SLC24A2: variants seen among roughly 807,000 people sequenced by gnomAD.
SLC24A2 encodes the protein solute carrier family 24 member 2, also known as sodium/potassium/calcium exchanger 2.
Under a neutral mutation model 62.0 loss-of-function variants are expected in SLC24A2, and 36 were observed. The observed-to-expected ratio is 0.58, with a 90% confidence interval of 0.44 to 0.77. SLC24A2 has a LOEUF of 0.77. Among genes scored for constraint, SLC24A2 ranks in the 30% least tolerant of loss-of-function variants. SLC24A2 has a pLI of 0.00. For synonymous variants in SLC24A2, 358 were observed against 294.0 expected, an observed-to-expected ratio of 1.22 and a Z score of -2.23; for missense variants, 846 against 817.9, an observed-to-expected ratio of 1.03 and a Z score of -0.42.
At chr9:20,060,693 T>G in the SLC24A2 span, among the ~76,000 whole-genome samples, 2 of 152,086 alleles carry the variant, frequency 1.3e-5, no homozygotes, top group Non-Finnish European at 1.5e-5. Flanking sequence ...CTAACATACT[T>G]AATTGTGAAA....
the SLC24A2 span, among the ~76,000 whole-genome samples, chr9:20,015,864 G>C: frequency 6.6e-6 from 1 of 152,116 alleles, no homozygotes; most frequent in Non-Finnish European, 1.5e-5. Context: ...CAATTCCAAG[G>C]CAACAGGAAA....
the SLC24A2 span, among the ~76,000 whole-genome samples, chr9:19,977,925 GTATCTTAAAGAT>G: frequency 3.9e-5 from 6 of 152,244 alleles, no homozygotes; most frequent in East Asian, 1.2e-3. Context: ...GGGATAATGG[GTATCTTAAAGAT>G]AGTCAGGGTG....
At chr9:19,974,248 A>G in the SLC24A2 span, among the ~76,000 whole-genome samples, 1 of 152,204 alleles carries the variant, frequency 6.6e-6, no homozygotes, top group Non-Finnish European at 1.5e-5. Flanking sequence ...GAATGAAATA[A>G]TTTCTACTTG....
intron 8 of SLC24A2, among the ~76,000 whole-genome samples, chr9:19,544,101 A>G (rs912488932): frequency 6.6e-6 from 1 of 152,016 alleles, no homozygotes; most frequent in African/African-American, 2.4e-5. Flanking sequence ...TGCCTTATGA[A>G]CTTGGATGCT....
chr9:20,192,468 G>T, the SLC24A2 span, among the ~76,000 whole-genome samples: 1 of 152,136 alleles, frequency 6.6e-6, no homozygotes, highest in Non-Finnish European at 1.5e-5. Context: ...TCTTGTAGAG[G>T]AGGAATCATT....
chr9:19,848,452 G>A, the SLC24A2 span, among the ~76,000 whole-genome samples: 12 of 152,128 alleles, frequency 7.9e-5, no homozygotes, highest in African/African-American at 2.7e-4. Flanking sequence ...TATTATTGGT[G>A]TGGAGAATAA....
At chr9:19,680,942 C>T (rs149285871) in intron 2 of SLC24A2, among the ~76,000 whole-genome samples, 7 of 151,848 alleles carry the variant, frequency 4.6e-5, no homozygotes, top group Admixed American at 2.6e-4. Context: ...ACCACCTGCC[C>T]GATAAGTGCA....
the SLC24A2 span, among the ~76,000 whole-genome samples, chr9:19,901,005 A>C: frequency 5.7e-3 from 864 of 152,324 alleles, 21 homozygotes; most frequent in East Asian, 0.072. Context: ...TCACAATCCA[A>C]TGCTGAATTT....
intron 2 of SLC24A2, among the ~76,000 whole-genome samples, chr9:19,766,418 T>G: frequency 6.6e-6 from 1 of 152,256 alleles, no homozygotes; most frequent in East Asian, 1.9e-4. Flanking sequence ...CTCTGTTTTT[T>G]CCTCATCTTC....
intron 2 of SLC24A2, among the ~76,000 whole-genome samples, chr9:19,635,289 C>T (rs1818283501): frequency 6.6e-6 from 1 of 152,134 alleles, no homozygotes; most frequent in South Asian, 2.1e-4. Flanking sequence ...AGAAATATCC[C>T]ATCAAAAAGC....
chr9:19,920,789 T>C, the SLC24A2 span, among the ~76,000 whole-genome samples: 3 of 152,156 alleles, frequency 2.0e-5, no homozygotes, highest in Non-Finnish European at 4.4e-5. Flanking sequence ...ATGACTGACC[T>C]ATACAACCTA....
rs190941481 is a variant in SLC24A2 at position 19,507,653 on chromosome 9, G to A, written c.*8500C>T. ...CAGACAGCCTATGTACAAATAAGTAGAGCTTCCTGTCTATGTACAGACATA... is the reference window on the plus strand; with the variant it reads ...CAGACAGCCTATGTACAAATAAGTAAAGCTTCCTGTCTATGTACAGACATA... On this transcript the variant is annotated 3_prime_UTR_variant, in exon 11 of 11. Coordinates refer to ENST00000341998, the MANE Select transcript of SLC24A2 (RefSeq NM_020344.4). The A allele has an allele frequency of 6.6e-6, 1 of 152,310 alleles. No homozygotes were observed. The allele number at this position is 152,310 out of a possible 1,614,324, so 9.4% of individuals were successfully genotyped here.
chr9:19,779,389 C>A (rs959431925), intron 2 of SLC24A2, among the ~76,000 whole-genome samples: 7 of 152,120 alleles, frequency 4.6e-5, no homozygotes, highest in African/African-American at 1.7e-4. Flanking sequence ...TATAAAGGAG[C>A]AATGTTTACA....
chr9:20,045,263 C>T, the SLC24A2 span, among the ~76,000 whole-genome samples: 1 of 152,064 alleles, frequency 6.6e-6, no homozygotes, highest in African/African-American at 2.4e-5. Context: ...CATTAATAAA[C>T]ACAGAATTGC....
At chr9:20,142,606 T>C in the SLC24A2 span, among the ~76,000 whole-genome samples, 1 of 152,110 alleles carries the variant, frequency 6.6e-6, no homozygotes, top group Non-Finnish European at 1.5e-5. Flanking sequence ...ATTTTGTTTT[T>C]ATTTTTTTGA....
chr9:19,598,594 T>C (rs865935899), intron 4 of SLC24A2, among the ~76,000 whole-genome samples: 2 of 152,000 alleles, frequency 1.3e-5, no homozygotes, highest in Non-Finnish European at 2.9e-5. Flanking sequence ...CAAAAAGAAA[T>C]TGAATTTTGT....
chr9:20,279,304 G>A, the SLC24A2 span, among the ~76,000 whole-genome samples: 1 of 152,214 alleles, frequency 6.6e-6, no homozygotes. Flanking sequence ...GCTGAGGCAG[G>A]TGGATCACCT....
the SLC24A2 span, among the ~76,000 whole-genome samples, chr9:19,986,936 A>C: frequency 6.6e-6 from 1 of 152,086 alleles, no homozygotes; most frequent in Non-Finnish European, 1.5e-5. Context: ...ATATTATGTC[A>C]ATTTCAACTC....
intron 2 of SLC24A2, among the ~76,000 whole-genome samples, chr9:19,676,872 T>C (rs34920581): frequency 0.18 from 27,678 of 152,144 alleles, 2,812 homozygotes; most frequent in Middle Eastern, 0.24. Context: ...AAGTTTTTCT[T>C]CAAAGAGATA....
Sources: allele counts gnomAD v4.1 joint callset (sites outside exome capture counted in the v4.1 genomes callset), GRCh38; gene constraint gnomAD v4.1.1; transcripts MANE v1.5; gene names NCBI Gene and HGNC (gene_info 2026-07-23, HGNC 2026-07-21).